The following CADM2 variants were observed in gnomAD, a reference collection of about 807,000 sequenced individuals.
CADM2 encodes cell adhesion molecule 2.
In CADM2, 12 loss-of-function variants were observed where a neutral mutation model predicts 49.8. The ratio of observed to expected loss-of-function variants is 0.24; its 90% CI spans 0.15 to 0.39. CADM2 has a LOEUF of 0.39. CADM2 is among the 10% of genes least tolerant of loss of function. The pLI, the probability that CADM2 is intolerant of heterozygous loss-of-function variation, is 1.00. For synonymous variants in CADM2, 214 were observed against 175.4 expected (o/e 1.22, Z -1.74); for missense variants, 378 against 492.3 (o/e 0.77, Z 2.20).
intron 3 of CADM2, among the ~76,000 whole-genome samples, chr3:85,811,388 A>T (rs909556707): frequency 6.6e-6 from 1 of 152,184 alleles, no homozygotes; most frequent in African/African-American, 2.4e-5. Flanking sequence ...GAACAGTTTT[A>T]TTCTACCTTC....
intron 1 of CADM2, among the ~76,000 whole-genome samples, chr3:85,131,120 A>T (rs6549016): frequency 3.3e-5 from 5 of 151,908 alleles, no homozygotes; most frequent in Admixed American, 6.6e-5. Flanking sequence ...TAGAGGTAGC[A>T]GCGAGCCAAG....
At chr3:85,981,245 G>A (rs575305562) in intron 8 of CADM2, among the ~76,000 whole-genome samples, 267 of 151,036 alleles carry the variant, frequency 1.8e-3, no homozygotes, top group African/African-American at 5.8e-3. Flanking sequence ...TTACACACAC[G>A]CCATTATAGA....
At chr3:85,808,675 C>T (rs1326735201) in intron 3 of CADM2, among the ~76,000 whole-genome samples, 1 of 152,108 alleles carries the variant, frequency 6.6e-6, no homozygotes, top group Non-Finnish European at 1.5e-5. Flanking sequence ...ATGTAAAATA[C>T]ATGACTTTTT....
chr3:85,267,948 A>T (rs1260058042), intron 1 of CADM2, among the ~76,000 whole-genome samples: 1 of 151,632 alleles, frequency 6.6e-6, no homozygotes, highest in Non-Finnish European at 1.5e-5. Flanking sequence ...GGTATGTAAA[A>T]CTCCTACAAT....
chr3:85,001,255 A>AT (rs902446239), intron 1 of CADM2, among the ~76,000 whole-genome samples: 1 of 151,758 alleles, frequency 6.6e-6, no homozygotes, highest in African/African-American at 2.4e-5. Flanking sequence ...TATTTTTGAA[A>AT]TTTTTTAGTT....
At chr3:85,077,301 G>A (rs1248859885) in intron 1 of CADM2, among the ~76,000 whole-genome samples, 4 of 152,008 alleles carry the variant, frequency 2.6e-5, no homozygotes, top group Admixed American at 2.6e-4. Context: ...TATTGGAAAG[G>A]GTGACTAAGG....
At chr3:85,319,924 T>C (rs1173791344) in intron 1 of CADM2, among the ~76,000 whole-genome samples, 1 of 152,148 alleles carries the variant, frequency 6.6e-6, no homozygotes, top group Non-Finnish European at 1.5e-5. Flanking sequence ...TGAACCTAAA[T>C]AAGAGTTTTA....
intron 1 of CADM2, among the ~76,000 whole-genome samples, chr3:85,537,709 C>A: frequency 6.6e-6 from 1 of 151,612 alleles, no homozygotes; most frequent in East Asian, 1.9e-4. Flanking sequence ...TAACTACAAA[C>A]TCACTTTAAT....
At chr3:86,014,309 T>A (rs1181418350) in intron 8 of CADM2, 8 of 1,365,454 alleles carry the variant, frequency 5.9e-6, no homozygotes, top group Non-Finnish European at 6.9e-6. Flanking sequence ...ATGTCCTATC[T>A]TTTACAAGAG....
intron 1 of CADM2, among the ~76,000 whole-genome samples, chr3:85,680,928 T>G (rs1221633758): frequency 1.3e-5 from 2 of 152,134 alleles, no homozygotes; most frequent in Non-Finnish European, 2.9e-5. Flanking sequence ...CAGAGAATAT[T>G]GGGGTTTGGA....
At chr3:85,386,732 T>G (rs2107378280) in intron 1 of CADM2, among the ~76,000 whole-genome samples, 1 of 152,228 alleles carries the variant, frequency 6.6e-6, no homozygotes, top group East Asian at 1.9e-4. Context: ...GAATACTACC[T>G]TTTGCATGTT....
intron 1 of CADM2, among the ~76,000 whole-genome samples, chr3:85,122,047 A>G (rs1224130528): frequency 6.6e-6 from 1 of 151,522 alleles, no homozygotes; most frequent in Non-Finnish European, 1.5e-5. Flanking sequence ...CAACAGCTAC[A>G]TTACTCCATC....
At chr3:85,568,465 C>T (rs370843271) in intron 1 of CADM2, among the ~76,000 whole-genome samples, 7 of 6,468 alleles carry the variant, frequency 1.1e-3, no homozygotes, top group African/African-American at 1.7e-3. Flanking sequence ...CTTTCTTTCT[C>T]TTTCTCTCTC....
chr3:86,013,794 G>C (rs1280802881), intron 8 of CADM2: 1 of 1,589,350 alleles, frequency 6.3e-7, no homozygotes, highest in Non-Finnish European at 8.6e-7. Flanking sequence ...TGAGAAGTGG[G>C]GATTAAATAT....
intron 1 of CADM2, among the ~76,000 whole-genome samples, chr3:85,291,651 A>C (rs2043800145): frequency 6.8e-6 from 1 of 147,424 alleles, no homozygotes; most frequent in East Asian, 1.9e-4. Flanking sequence ...CTTAAAGAAA[A>C]GAATTTTCAA....
intron 1 of CADM2, among the ~76,000 whole-genome samples, chr3:85,208,525 T>G (rs2041705227): frequency 6.6e-6 from 1 of 152,088 alleles, no homozygotes; most frequent in Admixed American, 6.6e-5. Context: ...GGTTTAATAA[T>G]AAATAGGTAT....
intron 1 of CADM2, among the ~76,000 whole-genome samples, chr3:85,392,039 A>G (rs535525203): frequency 6.6e-6 from 1 of 152,184 alleles, no homozygotes; most frequent in East Asian, 1.9e-4. Context: ...GAGAGAAGAA[A>G]ATTTGGGGAT....
chr3:85,377,981 A>G (rs2033689646), intron 1 of CADM2, among the ~76,000 whole-genome samples: 1 of 152,190 alleles, frequency 6.6e-6, no homozygotes, highest in African/African-American at 2.4e-5. Context: ...GAATATTGTG[A>G]CTGTCTAAAT....
chr3:85,556,129 A>C (rs1426979621), intron 1 of CADM2, among the ~76,000 whole-genome samples: 1 of 152,174 alleles, frequency 6.6e-6, no homozygotes, highest in Non-Finnish European at 1.5e-5. Context: ...CAATAACATA[A>C]ACAGTAGATT....
Sources: gnomAD v4.1 joint callset for allele counts (sites outside exome capture counted in the v4.1 genomes callset) on GRCh38, gnomAD v4.1.1 for gene constraint, MANE v1.5 for transcripts, NCBI Gene and HGNC (gene_info 2026-07-23, HGNC 2026-07-21) for gene names.